The following ERCC2 variants were observed in gnomAD, a reference collection of about 807,000 sequenced individuals.
ERCC2 encodes the protein ERCC excision repair 2, TFIIH core complex helicase subunit, also known as general transcription and DNA repair factor IIH helicase subunit XPD.
ERCC2 carries 90 observed loss-of-function variants against 99.4 expected under a neutral mutation model. The observed-to-expected ratio is 0.91, with a 90% CI of 0.76 to 1.08. The LOEUF is 1.08. ERCC2 is among the 50% of genes least tolerant of loss of function. ERCC2 has a pLI of 0.00. For synonymous variants in ERCC2, 497 were observed against 432.4 expected (o/e 1.15, Z -1.85); for missense variants, 993 against 1,038.1 (o/e 0.96, Z 0.60).
chr19:45,357,238 T>C (rs1463380765), intron 15 of ERCC2, 32 bp downstream of exon 15: 2 of 1,531,584 alleles, frequency 1.3e-6, no homozygotes, highest in Non-Finnish European at 1.8e-6. Flanking sequence ...CCATCTCCCC[T>C]CCCGGCCCCA....
At chr19:45,367,202 T>C (rs2123305510) in intron 5 of ERCC2, among the ~76,000 whole-genome samples, 1 of 151,704 alleles carries the variant, frequency 6.6e-6, no homozygotes, top group East Asian at 1.9e-4. Flanking sequence ...CCGGGTGTAG[T>C]GGGGCACCTG....
Position 45,350,849 on chromosome 19 carries a change from T to A in ERCC2, c.*780A>T. The A allele has an allele frequency of 1.1e-6, 1 of 889,472 alleles. No individual in the cohort carries two copies. The allele number at this position is 889,472 out of a possible 1,614,324, so 55.1% of individuals were successfully genotyped here. ...GCTCAAGAACCTTCCATGGCTCCCA[T>A]CTCCCCTGTGATACACACAGATCAA... On this transcript the variant is annotated 3_prime_UTR_variant, in exon 23 of 23. Coordinates refer to ENST00000391945, the MANE Select transcript of ERCC2 (RefSeq NM_000400.4).
At chr19:45,363,259 G>C (rs1325660035) in intron 11 of ERCC2, among the ~76,000 whole-genome samples, 1 of 152,144 alleles carries the variant, frequency 6.6e-6, no homozygotes, top group Non-Finnish European at 1.5e-5. Context: ...GAAGATTAGA[G>C]GCATCGGTGG....
chr19:45,368,854 T>C (rs1972514048), intron 4 of ERCC2, 76 bp downstream of exon 4: 1 of 1,582,720 alleles, frequency 6.3e-7, no homozygotes, highest in Non-Finnish European at 8.7e-7. Context: ...CGAAAGCTGG[T>C]GACGGCCACC....
At position 45,351,339 on chromosome 19, in the gene ERCC2, G is replaced by A; in HGVS notation, c.*290C>T. 6 of 1,611,798 alleles carry A rather than the reference G, an allele frequency of 3.7e-6. No homozygotes were observed. Among genetic ancestry groups the A allele is most frequent in the South Asian group, 1.1e-5 (1 of 91,082 alleles). On this transcript the variant is annotated 3_prime_UTR_variant, in exon 23 of 23. Coordinates refer to ENST00000391945, the MANE Select transcript of ERCC2 (RefSeq NM_000400.4). Reference sequence around the variant, plus strand: ...CTCGGACCCTCAGCGCCAGCACCCAGGACCTGAGCCCCCACTAACGTCCAG... The same window carrying A: ...CTCGGACCCTCAGCGCCAGCACCCAAGACCTGAGCCCCCACTAACGTCCAG...
chr19:45,361,881 G>C (rs566122707), intron 11 of ERCC2: 2 of 523,166 alleles, frequency 3.8e-6, no homozygotes, highest in East Asian at 6.9e-5. Flanking sequence ...CCAGAGTCAT[G>C]TGGTCACTTG....
Position 45,370,305 on chromosome 19 carries a change from G to A in ERCC2, c.6-73C>T, listed in dbSNP as rs902532182. 9 of 1,579,824 alleles carry A rather than the reference G, an allele frequency of 5.7e-6. No individual in the cohort carries two copies. In the African/African-American group the frequency reaches 1.2e-4, roughly 21 times the overall value. ...CCCGCCTCCACAGTGCCCGGTCGTC[G>A]AGCCCAGAGAAGGGTGACGGGCCCG... On this transcript the variant is annotated intron_variant, in intron 1 of 22. Transcript: ENST00000391945.
chr19:45,350,105 G>A lies in ERCC2; in HGVS notation c.*1524C>T. 3.7e-6 allele frequency: 2 copies of A among 543,852 alleles called. No individual in the cohort carries two copies. The highest frequency in any genetic ancestry group is 6.6e-6 in the Non-Finnish European group (2 of 303,928). The allele number at this position is 543,852 out of a possible 1,614,324, so 33.7% of individuals were successfully genotyped here. A position where few individuals can be genotyped will look rare whatever the true frequency, so the allele number is the denominator to read the frequency against. ...CCCCAGGGCAAGGCTTTAGGCAGGG[G>A]AAGGATACGGCCAGGTCAGCACATT... is the stretch of plus-strand genomic sequence containing the variant. On this transcript the variant is annotated 3_prime_UTR_variant, in exon 23 of 23. Coordinates refer to ENST00000391945, the MANE Select transcript of ERCC2 (RefSeq NM_000400.4).
rs779694964 is a variant in ERCC2, at chr19:45,350,571, C to CG, written c.*1057dup. 3.7e-6 allele frequency: 6 copies of CG among 1,613,800 alleles called. No homozygotes were observed. The African/African-American group carries it at 8.0e-5, about 22-fold the overall frequency. ...GAACAGGTGAGGATGGGCTGTGCTTCGGCTCCTGGGGTGGGCGTGGGGACT... is the reference window on the plus strand; with the variant it reads ...GAACAGGTGAGGATGGGCTGTGCTTCGGGCTCCTGGGGTGGGCGTGGGGACT... On this transcript the variant is annotated 3_prime_UTR_variant, in exon 23 of 23. Coordinates refer to ENST00000391945, the MANE Select transcript of ERCC2 (RefSeq NM_000400.4).
chr19:45,350,310 G>C lies in ERCC2; in HGVS notation c.*1319C>G, dbSNP rs202228508. ...GATGCAGTGTTGGGAACTGGGGTCC[G>C]AAAAGTTCCCAGACACTCCCTTCTC... On this transcript the variant is annotated 3_prime_UTR_variant, in exon 23 of 23. Coordinates refer to ENST00000391945, the MANE Select transcript of ERCC2 (RefSeq NM_000400.4). 16 of 1,587,386 alleles carry C rather than the reference G, an allele frequency of 1.0e-5. No individual in the cohort carries two copies. The South Asian group carries it at 1.8e-4, about 18-fold the overall frequency.
Position 45,357,622 on chromosome 19 carries a change from G to A in ERCC2, c.1307+8C>T. ...GAGCATTCACACCCTCACCGGGCAG[G>A]GTCCCACCTGAAGTGCAGGATGGGG... On this transcript the variant is annotated splice_region_variant and intron_variant, in intron 13 of 22. Transcript: ENST00000391945. 6.2e-7 allele frequency: 1 copy of A among 1,614,106 alleles called. No homozygotes were observed. The highest frequency in any genetic ancestry group is 8.5e-7 in the Non-Finnish European group (1 of 1,179,972).
Position 45,369,148 on chromosome 19 carries a change from C to G in ERCC2, c.106-1G>C. On this transcript the variant is annotated splice_acceptor_variant, in intron 2 of 22. Coordinates refer to ENST00000391945, the MANE Select transcript of ERCC2 (RefSeq NM_000400.4). LOFTEE classifies it high-confidence loss of function. ...AGGGCATCTCCAGGACTCCATGACC[C>G]TGCATGTTGGGGACCAGAGGGGCAA... 3.7e-6 allele frequency: 6 copies of G among 1,613,956 alleles called. No individual in the cohort carries two copies. Among genetic ancestry groups the G allele is most frequent in the Non-Finnish European group, 4.2e-6 (5 of 1,179,840 alleles).
chr19:45,364,881 C>T lies in ERCC2; in HGVS notation c.551G>A (p.Gly184Glu). The T allele has an allele frequency of 6.2e-7, 1 of 1,614,014 alleles. No individual in the cohort carries two copies. Among genetic ancestry groups the T allele is most frequent in the East Asian group, 2.2e-5 (1 of 44,872 alleles). The change falls in exon 7 of 23, where the codon GGG (glycine) becomes GAG (glutamate). Residue 184 changes from glycine (G) to glutamate (E), a missense_variant. Physicochemically the swap from Gly to Glu is moderately conservative, Grantham distance 98. Coordinates refer to ENST00000391945, the MANE Select transcript of ERCC2 (RefSeq NM_000400.4). ...GTATGGGCACCAGCCCTGGCGCCGC[C>T]CCAGGGCCTTCAGGTCATCCAGGTT... ...IYNLDDLKAL[G>E]RRQGWCPYFL...
At position 45,350,696 on chromosome 19, in the gene ERCC2, G is replaced by C. The variant is rs569089733; in HGVS notation, c.*933C>G. 6.2e-6 allele frequency: 10 copies of C among 1,613,712 alleles called. No individual in the cohort carries two copies. The East Asian group carries it at 2.2e-4, about 36-fold the overall frequency. On this transcript the variant is annotated 3_prime_UTR_variant, in exon 23 of 23. Transcript: ENST00000391945. ...ATCCGTGAGTCTATCAGGCGAGGAA[G>C]TGAGAAGCTGGTCTCCCGGCTCCGA...
At position 45,350,194 on chromosome 19, in the gene ERCC2, G is replaced by A; in HGVS notation, c.*1435C>T. The A allele has an allele frequency of 1.6e-6, 1 of 637,466 alleles. No homozygotes were observed. The highest frequency in any genetic ancestry group is 2.7e-6 in the Non-Finnish European group (1 of 368,576). The allele number at this position is 637,466 out of a possible 1,614,324, so 39.5% of individuals were successfully genotyped here. On this transcript the variant is annotated 3_prime_UTR_variant, in exon 23 of 23. Transcript: ENST00000391945. ...CCCAACACTTTGGGAGGCCAAGGCA[G>A]GAGGATCACTTGAGGCTAGGAGTTC...
At position 45,354,819 on chromosome 19, in the gene ERCC2, C is replaced by T. The variant is rs1291917071; in HGVS notation, c.1576G>A (p.Glu526Lys). Reference sequence around the variant, plus strand: ...CCATCAGGGACCACAGCGGACATCTCCAGCAGGAGGTTCCCATAGTTCCGG... The same window carrying T: ...CCATCAGGGACCACAGCGGACATCTTCAGCAGGAGGTTCCCATAGTTCCGG... ...VIRNYGNLLL[E>K]MSAVVPDGIV... The change falls in exon 17 of 23, where the codon GAG (glutamate) becomes AAG (lysine). Residue 526 changes from glutamate to lysine, a missense_variant. By Grantham distance (56) the Glu-to-Lys change is moderately conservative. Coordinates refer to ENST00000391945, the MANE Select transcript of ERCC2 (RefSeq NM_000400.4). The T allele has an allele frequency of 6.2e-7, 1 of 1,613,996 alleles. No individual in the cohort carries two copies. Among genetic ancestry groups the T allele is most frequent in the Non-Finnish European group, 8.5e-7 (1 of 1,179,990 alleles).
chr19:45,365,932 TCAAG>T (rs1301763161), intron 5 of ERCC2, among the ~76,000 whole-genome samples: 1 of 152,090 alleles, frequency 6.6e-6, no homozygotes, highest in African/African-American at 2.4e-5. Flanking sequence ...CCTCCCAGGC[TCAAG>T]TGATCCTTCC....
At chr19:45,358,711 C>T (rs1346263007) in intron 12 of ERCC2, 4 of 691,878 alleles carry the variant, frequency 5.8e-6, no homozygotes, top group Admixed American at 4.1e-5. Context: ...CCGAGAGGCC[C>T]TCCCCAGCCA....
chr19:45,356,719 A>T (rs1176300906), intron 15 of ERCC2, among the ~76,000 whole-genome samples: 1 of 152,214 alleles, frequency 6.6e-6, no homozygotes, highest in East Asian at 1.9e-4. Context: ...AAGCATCAGA[A>T]TCACCTGAAT....
Sources: allele counts gnomAD v4.1 joint callset (sites outside exome capture counted in the v4.1 genomes callset), GRCh38; gene constraint gnomAD v4.1.1; transcripts MANE v1.5; gene names NCBI Gene and HGNC (gene_info 2026-07-23, HGNC 2026-07-21).